RASGEF1A: variants seen among roughly 807,000 people sequenced by gnomAD.
The protein encoded by RASGEF1A is ras-GEF domain-containing family member 1A.
A neutral mutation model predicts 56.4 loss-of-function variants in RASGEF1A; 18 were observed. That is an observed-to-expected ratio of 0.32 (90% CI 0.22 to 0.47). The LOEUF is 0.47. RASGEF1A is among the 20% of genes least tolerant of loss of function. The pLI is 1.00. For missense variants in RASGEF1A, 422 were observed against 627.1 expected (o/e 0.67, Z 3.49); for synonymous variants, 245 against 242.6 (o/e 1.01, Z -0.09).
chr10:43,233,201 A>G (rs1840393372), intron 1 of RASGEF1A, among the ~76,000 whole-genome samples: 1 of 152,192 alleles, frequency 6.6e-6, no homozygotes, highest in African/African-American at 2.4e-5. Flanking sequence ...TCTCCTGAGA[A>G]TGTGAGCTCC....
chr10:43,207,828 G>T, intron 1 of RASGEF1A: 1 of 567,226 alleles, frequency 1.8e-6, no homozygotes, highest in Non-Finnish European at 2.2e-6. Context: ...ACTGATGTGA[G>T]CCAATCCTTC....
intron 1 of RASGEF1A, among the ~76,000 whole-genome samples, chr10:43,220,926 C>T (rs1840199619): frequency 1.3e-5 from 2 of 152,122 alleles, no homozygotes; most frequent in South Asian, 2.1e-4. Flanking sequence ...CCCTGAGACC[C>T]AACAAGAAAG....
chr10:43,257,648 C>T (rs551557559), intron 1 of RASGEF1A, among the ~76,000 whole-genome samples: 1 of 152,238 alleles, frequency 6.6e-6, no homozygotes, highest in Non-Finnish European at 1.5e-5. Context: ...TGGGCAACAA[C>T]AGGGTCCAGG....
chr10:43,209,118 C>T (rs1588932816), intron 1 of RASGEF1A: 2 of 985,514 alleles, frequency 2.0e-6, no homozygotes, highest in Non-Finnish European at 2.4e-6. Context: ...CACCACCAGG[C>T]AGCCCCTTCC....
chr10:43,262,987 A>T (rs896865862), intron 1 of RASGEF1A, among the ~76,000 whole-genome samples: 2 of 152,146 alleles, frequency 1.3e-5, no homozygotes, highest in African/African-American at 4.8e-5. Flanking sequence ...CCAGCTGCCT[A>T]CCTGCTCAGA....
chr10:43,228,906 G>A (rs1006449062), intron 1 of RASGEF1A, among the ~76,000 whole-genome samples: 3 of 152,238 alleles, frequency 2.0e-5, no homozygotes, highest in African/African-American at 7.2e-5. Context: ...GATGAGTCCT[G>A]CATCTTTCAC....
rs181753943 is a variant in RASGEF1A at position 43,203,086 on chromosome 10, A to G, written c.321+212T>C. 0.015 allele frequency among the ~76,000 whole-genome samples: 888 copies of G among 58,400 alleles called. 39 individuals are homozygous for G. The East Asian group carries it at 0.18, about 12-fold the overall frequency. The allele number at this position is 58,400 out of a possible 152,430, so 38.3% of individuals were successfully genotyped here. On this transcript the variant is annotated intron_variant, in intron 3 of 12. Transcript: ENST00000395810. ...CTAGCCTTGACCCCGACCCTGCCCC[A>G]GCCAGGCCACGCCTCAACCCTAGCC...
intron 1 of RASGEF1A, among the ~76,000 whole-genome samples, chr10:43,257,434 G>T (rs1329294676): frequency 6.6e-6 from 1 of 152,230 alleles, no homozygotes; most frequent in Non-Finnish European, 1.5e-5. Context: ...AGGAGCACAG[G>T]TCCCGCCCAG....
At chr10:43,208,985 T>G in intron 1 of RASGEF1A, 5 of 985,468 alleles carry the variant, frequency 5.1e-6, no homozygotes, top group Non-Finnish European at 6.0e-6. Flanking sequence ...CGGGGTCCCC[T>G]GCCGGCCACC....
rs373683075 is a variant in RASGEF1A, at chr10:43,209,690, AC to A, written c.-6-3569del. Reference sequence around the variant, plus strand: ...TGTGGAGAGCTCAGGAAGCCCCCCCACCAGGGCTAGGCAGAGATAGGGCTGT... The same window carrying A: ...TGTGGAGAGCTCAGGAAGCCCCCCCACAGGGCTAGGCAGAGATAGGGCTGT... On this transcript the variant is annotated intron_variant, in intron 1 of 12. Coordinates refer to ENST00000395810, the MANE Select transcript of RASGEF1A (RefSeq NM_145313.4). 7.2e-4 allele frequency among the ~76,000 whole-genome samples: 104 copies of A among 143,482 alleles called. 1 individual carries two copies. The highest frequency in any genetic ancestry group is 3.8e-3 in the Middle Eastern group (1 of 262). The allele number at this position is 143,482 out of a possible 152,430, so 94.1% of individuals were successfully genotyped here.
rs569543089 is a variant in RASGEF1A, at chr10:43,212,327, C to A, written c.-6-6205G>T. 7.9e-5 allele frequency among the ~76,000 whole-genome samples: 12 copies of A among 152,336 alleles called. No individual in the cohort carries two copies. In the East Asian group the frequency reaches 2.3e-3, roughly 29 times the overall value. ...AGCCAACATTTCCGTGAGCTCTGAT[C>A]TCAGGTTTAAGATGGGCTCTGAGAC... On this transcript the variant is annotated intron_variant, in intron 1 of 12. Transcript: ENST00000395810.
intron 1 of RASGEF1A, among the ~76,000 whole-genome samples, chr10:43,228,350 G>A (rs1483634592): frequency 6.6e-6 from 1 of 152,144 alleles, no homozygotes; most frequent in East Asian, 1.9e-4. Flanking sequence ...TGGTCAGCAC[G>A]CTGGGCACCA....
At chr10:43,199,244 A>G in intron 7 of RASGEF1A, 50 bp from the exon 8 acceptor site, 2 of 1,438,952 alleles carry the variant, frequency 1.4e-6, no homozygotes, top group Non-Finnish European at 1.9e-6. Context: ...GGACAGCAGG[A>G]GCTGGGGCCG....
chr10:43,258,107 G>A (rs1006631141), intron 1 of RASGEF1A, among the ~76,000 whole-genome samples: 14 of 152,256 alleles, frequency 9.2e-5, no homozygotes, highest in East Asian at 5.8e-4. Context: ...TATACTAGGT[G>A]GCTCACAGCT....
chr10:43,205,575 C>A (rs751214386), intron 2 of RASGEF1A, among the ~76,000 whole-genome samples: 2 of 152,170 alleles, frequency 1.3e-5, no homozygotes, highest in Non-Finnish European at 2.9e-5. Context: ...GCTGGCTTTG[C>A]CCTTTAAAAC....
At chr10:43,263,545 GC>G (rs1836572461) in intron 1 of RASGEF1A, among the ~76,000 whole-genome samples, 1 of 152,152 alleles carries the variant, frequency 6.6e-6, no homozygotes, top group Admixed American at 6.5e-5. Context: ...CCCAGCCCAG[GC>G]CTCTCTTCTT....
At chr10:43,207,045 C>T in intron 1 of RASGEF1A, 1 of 985,538 alleles carries the variant, frequency 1.0e-6, no homozygotes, top group Non-Finnish European at 1.2e-6. Context: ...CCCTCTGGGC[C>T]TGTTTCCCCA....
intron 1 of RASGEF1A, among the ~76,000 whole-genome samples, chr10:43,255,296 C>T (rs775507301): frequency 1.4e-4 from 21 of 152,230 alleles, no homozygotes; most frequent in Non-Finnish European, 3.1e-4. Context: ...GCCTAGGCTG[C>T]CCACTCAGCA....
At position 43,199,172 on chromosome 10, in the gene RASGEF1A, G is replaced by C. The variant is rs1839851408; in HGVS notation, c.872C>G (p.Thr291Ser). ...VCRVVKKKHRTRMLEFFIDVA... is the reference protein window; with the variant it reads ...VCRVVKKKHRSRMLEFFIDVA... ...ATCAATGAAGAACTCCAACATGCGG[G>C]TCCGGTGTTTCTTCTTCACCACCTG... The change falls in exon 8 of 13, where the codon ACC (threonine) becomes AGC (serine). Residue 291 changes from threonine to serine, a missense_variant. Transcript: ENST00000395810. 1 of 1,612,128 alleles carries C rather than the reference G, an allele frequency of 6.2e-7. No individual in the cohort carries two copies. The highest frequency in any genetic ancestry group is 8.5e-7 in the Non-Finnish European group (1 of 1,179,140).
Sources: gnomAD v4.1 joint callset for allele counts (sites outside exome capture counted in the v4.1 genomes callset) on GRCh38, gnomAD v4.1.1 for gene constraint, MANE v1.5 for transcripts, NCBI Gene and HGNC (gene_info 2026-07-23, HGNC 2026-07-21) for gene names.